Variants in GRM8 observed in about 807,000 individuals in gnomAD.
GRM8 encodes the protein metabotropic glutamate receptor 8.
A neutral mutation model predicts 87.2 loss-of-function variants in GRM8; 47 were observed. That is an observed-to-expected ratio of 0.54 (90% CI 0.43 to 0.69). GRM8 has a LOEUF of 0.69. Among genes scored for constraint, GRM8 ranks in the 30% least tolerant of loss-of-function variants. GRM8 has a pLI of 0.00. For missense variants in GRM8, 1,019 were observed against 1,139.2 expected (o/e 0.89, Z 1.52); for synonymous variants, 396 against 404.5 (o/e 0.98, Z 0.25).
intron 9 of GRM8, among the ~76,000 whole-genome samples, chr7:126,480,773 G>A (rs1447070722): frequency 5.9e-5 from 9 of 151,760 alleles, no homozygotes; most frequent in Admixed American, 5.3e-4. Flanking sequence ...TGTGCCCATG[G>A]TTTAGTGCAT....
intron 6 of GRM8, among the ~76,000 whole-genome samples, chr7:126,872,480 A>C (rs1225427516): frequency 6.6e-6 from 1 of 152,176 alleles, no homozygotes; most frequent in Non-Finnish European, 1.5e-5. Flanking sequence ...GGTACCCTAA[A>C]TAGCAGTCAT....
At chr7:126,640,696 C>T (rs905040557) in intron 7 of GRM8, among the ~76,000 whole-genome samples, 6 of 152,018 alleles carry the variant, frequency 3.9e-5, no homozygotes, top group African/African-American at 9.7e-5. Flanking sequence ...TCCTTCCATC[C>T]CTGTCATTTT....
intron 8 of GRM8, among the ~76,000 whole-genome samples, chr7:126,580,709 C>T (rs1448066493): frequency 2.0e-5 from 3 of 152,020 alleles, no homozygotes; most frequent in South Asian, 2.1e-4. Context: ...AATGGTCATT[C>T]AAAGAGTACC....
intron 3 of GRM8, among the ~76,000 whole-genome samples, chr7:126,914,027 G>A (rs1455155936): frequency 6.6e-6 from 1 of 152,232 alleles, no homozygotes; most frequent in East Asian, 1.9e-4. Context: ...ACTCTGAAAA[G>A]CAATGCAATG....
chr7:127,145,308 A>C (rs1261359049), intron 2 of GRM8, among the ~76,000 whole-genome samples: 3 of 152,148 alleles, frequency 2.0e-5, no homozygotes, highest in Admixed American at 1.3e-4. Flanking sequence ...TAAGTTTTTC[A>C]AGTTCCTCAG....
intron 2 of GRM8, chr7:127,229,242 C>T (rs903424358): frequency 4.6e-5 from 7 of 152,194 alleles, no homozygotes; most frequent in Admixed American, 2.0e-4. Context: ...CATGCAGACC[C>T]TTGGCCCCAA....
At position 127,055,005 on chromosome 7, in the gene GRM8, A is replaced by G. The variant is rs148953567; in HGVS notation, c.727+51491T>C. On this transcript the variant is annotated intron_variant, in intron 3 of 10. Coordinates refer to ENST00000339582, the MANE Select transcript of GRM8 (RefSeq NM_000845.3). Reference sequence around the variant, plus strand: ...TATGGTATGACTACCCATAAGCTATACCACCTTTAGGTACAATAATAGAAA... The same window carrying G: ...TATGGTATGACTACCCATAAGCTATGCCACCTTTAGGTACAATAATAGAAA... Among the ~76,000 whole-genome samples, 88 of 152,276 alleles carry G rather than the reference A, an allele frequency of 5.8e-4. 2 individuals are homozygous for G. The East Asian group carries it at 0.016, about 28-fold the overall frequency.
At chr7:126,963,158 C>T (rs1161168334) in intron 3 of GRM8, among the ~76,000 whole-genome samples, 1 of 152,112 alleles carries the variant, frequency 6.6e-6, no homozygotes, top group Non-Finnish European at 1.5e-5. Context: ...ACCATAATGA[C>T]AAAAATAAGG....
At chr7:127,194,346 G>A (rs2299550) in intron 2 of GRM8, among the ~76,000 whole-genome samples, 29,378 of 152,132 alleles carry the variant, frequency 0.19, 3,187 homozygotes, top group Non-Finnish European at 0.25. Flanking sequence ...TAATACACAG[G>A]TGAGAGTAAA....
chr7:126,640,284 T>C (rs1343233334), intron 7 of GRM8, among the ~76,000 whole-genome samples: 1 of 152,160 alleles, frequency 6.6e-6, no homozygotes, highest in East Asian at 1.9e-4. Context: ...TCAAGATATT[T>C]ATGATTGTCA....
chr7:126,758,877 C>G (rs945285730), intron 7 of GRM8, among the ~76,000 whole-genome samples: 12 of 151,704 alleles, frequency 7.9e-5, no homozygotes, highest in African/African-American at 2.7e-4. Flanking sequence ...ATTAATGTCC[C>G]TCACTTTTTC....
intron 6 of GRM8, among the ~76,000 whole-genome samples, chr7:126,871,285 C>T (rs1799073265): frequency 1.3e-5 from 2 of 152,110 alleles, no homozygotes; most frequent in Non-Finnish European, 2.9e-5. Context: ...TCTTATTATA[C>T]TCATTGTTCT....
intron 3 of GRM8, among the ~76,000 whole-genome samples, chr7:126,948,152 A>C (rs1327104626): frequency 6.6e-6 from 1 of 152,146 alleles, no homozygotes; most frequent in Non-Finnish European, 1.5e-5. Context: ...GGAAGTAAAA[A>C]ATAAGAGAAA....
At chr7:127,120,644 T>G (rs927303375) in intron 2 of GRM8, among the ~76,000 whole-genome samples, 1 of 152,250 alleles carries the variant, frequency 6.6e-6, no homozygotes, top group East Asian at 1.9e-4. Context: ...TTTTTCCATA[T>G]CATGCTCAAA....
intron 9 of GRM8, among the ~76,000 whole-genome samples, 188 bp downstream of exon 9, chr7:126,532,764 G>GATATAGATATATAT: frequency 9.0e-6 from 1 of 110,982 alleles, no homozygotes; most frequent in South Asian, 3.1e-4. Flanking sequence ...GACGGATGGA[G>GATATAGATATATAT]ATATATATAT....
At chr7:126,468,382 C>T (rs1469837665) in intron 9 of GRM8, among the ~76,000 whole-genome samples, 2 of 152,026 alleles carry the variant, frequency 1.3e-5, no homozygotes, top group Non-Finnish European at 2.9e-5. Flanking sequence ...TTTCATTTCT[C>T]ACTTGCAATA....
At chr7:126,492,981 G>A (rs559197868) in intron 9 of GRM8, among the ~76,000 whole-genome samples, 2 of 152,180 alleles carry the variant, frequency 1.3e-5, no homozygotes, top group South Asian at 4.1e-4. Context: ...CATGTGCGAA[G>A]GGAAGAAAGC....
At chr7:126,867,008 T>C (rs2130864950) in intron 6 of GRM8, among the ~76,000 whole-genome samples, 1 of 152,292 alleles carries the variant, frequency 6.6e-6, no homozygotes, top group Non-Finnish European at 1.5e-5. Flanking sequence ...GGGCGTATTA[T>C]GCATAATTGG....
intron 7 of GRM8, among the ~76,000 whole-genome samples, chr7:126,652,350 G>A (rs951227851): frequency 7.2e-5 from 11 of 152,014 alleles, no homozygotes; most frequent in East Asian, 1.9e-4. Context: ...GGTTCAAGTC[G>A]ACAAGGCGTA....
Sources: gnomAD v4.1 joint callset for allele counts (sites outside exome capture counted in the v4.1 genomes callset) on GRCh38, gnomAD v4.1.1 for gene constraint, MANE v1.5 for transcripts, NCBI Gene and HGNC (gene_info 2026-07-23, HGNC 2026-07-21) for gene names.